ANKRD18A: variants seen among roughly 807,000 people sequenced by gnomAD.
ANKRD18A encodes the protein ankyrin repeat domain-containing protein 18A.
ANKRD18A carries 72 observed loss-of-function variants against 110.6 expected under a neutral mutation model. The ratio of observed to expected loss-of-function variants is 0.65; its 90% CI spans 0.54 to 0.79. ANKRD18A has a LOEUF of 0.79. Ranked by LOEUF, ANKRD18A falls within the 30% of genes least tolerant of loss-of-function variation. The pLI is 0.00. For missense variants in ANKRD18A, 934 were observed against 1,163.3 expected, an observed-to-expected ratio of 0.80 and a Z score of 2.87; for synonymous variants, 305 against 410.3, an observed-to-expected ratio of 0.74 and a Z score of 3.10.
chr9:38,574,430 G>C (rs1280351967), intron 15 of ANKRD18A, among the ~76,000 whole-genome samples: 8 of 152,110 alleles, frequency 5.3e-5, no homozygotes, highest in Admixed American at 3.3e-4. Flanking sequence ...CCCTAGTATA[G>C]TAATGGGGTT....
chr9:38,574,784 T>G (rs768450102), intron 15 of ANKRD18A, among the ~76,000 whole-genome samples: 7 of 152,092 alleles, frequency 4.6e-5, no homozygotes, highest in African/African-American at 1.7e-4. Context: ...AAGAGTTAAG[T>G]TGGTGCAAAG....
intron 10 of ANKRD18A, among the ~76,000 whole-genome samples, 173 bp from the exon 11 acceptor site, chr9:38,588,836 C>G (rs193060207): frequency 6.6e-6 from 1 of 152,264 alleles, no homozygotes; most frequent in Admixed American, 6.5e-5. Flanking sequence ...TTTCTTAAAA[C>G]AGCTAAAAAA....
At chr9:38,577,728 C>CT (rs542550325) in intron 13 of ANKRD18A, 139 bp downstream of exon 13, 3 of 981,190 alleles carry the variant, frequency 3.1e-6, no homozygotes, top group South Asian at 2.5e-5. Context: ...AAAAAAGTCA[C>CT]TTTTTTTCTA....
At chr9:38,579,250 T>C (rs1284748160) in intron 12 of ANKRD18A, among the ~76,000 whole-genome samples, 2 of 152,088 alleles carry the variant, frequency 1.3e-5, no homozygotes, top group Non-Finnish European at 2.9e-5. Context: ...TAAGTAAACA[T>C]AGGGAAAATG....
intron 6 of ANKRD18A, chr9:38,604,829 C>T (rs1587530582): frequency 1.3e-5 from 2 of 150,730 alleles, no homozygotes; most frequent in Admixed American, 6.7e-5. Context: ...TTGAACTGCT[C>T]ATAAACTCTA....
In ANKRD18A at chr9:38,615,726, CAGG is replaced by C. The variant is rs1587548458; in HGVS notation, c.360_362del (p.Leu121del). On this transcript the variant is annotated inframe_deletion, in exon 3 of 16. Transcript: ENST00000399703. ...CAATGTTTGGATTGGCGCCACATTC[CAGG>C]AGAACGATGGCACAAGCCTCTTCCT... 1 of 1,612,830 alleles carries C rather than the reference CAGG, an allele frequency of 6.2e-7. No individual in the cohort carries two copies. Among genetic ancestry groups the C allele is most frequent in the African/African-American group, 1.3e-5 (1 of 74,894 alleles).
intron 9 of ANKRD18A, among the ~76,000 whole-genome samples, chr9:38,594,602 C>G (rs1015952353): frequency 4.6e-5 from 7 of 152,068 alleles, no homozygotes; most frequent in Admixed American, 4.6e-4. Context: ...AAGTAGAAGT[C>G]TTTAAAATAC....
chr9:38,577,472 A>G (rs181672522), intron 13 of ANKRD18A, among the ~76,000 whole-genome samples: 2 of 152,300 alleles, frequency 1.3e-5, no homozygotes, highest in East Asian at 3.9e-4. Flanking sequence ...AATCATACTT[A>G]TGTTAGTATT....
intron 1 of ANKRD18A, among the ~76,000 whole-genome samples, chr9:38,619,616 T>C (rs1826001472): frequency 6.6e-6 from 1 of 152,190 alleles, no homozygotes; most frequent in Non-Finnish European, 1.5e-5. Flanking sequence ...CTGATAAACA[T>C]GGAAACAGTT....
intron 10 of ANKRD18A, among the ~76,000 whole-genome samples, chr9:38,593,128 A>G (rs1286095348): frequency 6.6e-6 from 1 of 152,230 alleles, no homozygotes; most frequent in African/African-American, 2.4e-5. Context: ...TTAAAATCCC[A>G]TGGTAGGATC....
intron 6 of ANKRD18A, chr9:38,604,009 T>G: frequency 6.6e-6 from 1 of 152,264 alleles, no homozygotes; most frequent in Non-Finnish European, 1.5e-5. Flanking sequence ...AATAAAATAT[T>G]ACAGAAAGGG....
chr9:38,597,062 A>G (rs961645050), intron 8 of ANKRD18A, among the ~76,000 whole-genome samples: 1 of 152,182 alleles, frequency 6.6e-6, no homozygotes, highest in African/African-American at 2.4e-5. Context: ...CTCTACTTCT[A>G]GTTCTCCATC....
intron 10 of ANKRD18A, among the ~76,000 whole-genome samples, chr9:38,592,800 C>T (rs1824711983): frequency 6.6e-6 from 1 of 152,076 alleles, no homozygotes; most frequent in African/African-American, 2.4e-5. Context: ...ATTCTGAAAA[C>T]ATTCTGCTAA....
At chr9:38,577,476 T>C (rs1823946490) in intron 13 of ANKRD18A, among the ~76,000 whole-genome samples, 1 of 152,156 alleles carries the variant, frequency 6.6e-6, no homozygotes, top group African/African-American at 2.4e-5. Context: ...ATACTTATGT[T>C]AGTATTAATG....
chr9:38,617,418 CGACAGAGTGA>C (rs1459226428), intron 1 of ANKRD18A, among the ~76,000 whole-genome samples: 2 of 151,936 alleles, frequency 1.3e-5, no homozygotes, highest in Non-Finnish European at 2.9e-5. Flanking sequence ...CCAGCATAGG[CGACAGAGTGA>C]GACTCTGTCG....
chr9:38,610,824 GA>G (rs1825586639), intron 4 of ANKRD18A, among the ~76,000 whole-genome samples: 3 of 150,176 alleles, frequency 2.0e-5, no homozygotes, highest in African/African-American at 7.4e-5. Context: ...TCTGCAGGCT[GA>G]AAACAACAGC....
intron 15 of ANKRD18A, among the ~76,000 whole-genome samples, chr9:38,574,993 C>T (rs1823815254): frequency 6.6e-6 from 1 of 151,662 alleles, no homozygotes; most frequent in Non-Finnish European, 1.5e-5. Context: ...ACTTGGGAGG[C>T]TGAGGCAGGA....
At chr9:38,613,915 A>C (rs1027783131) in intron 3 of ANKRD18A, among the ~76,000 whole-genome samples, 2 of 152,222 alleles carry the variant, frequency 1.3e-5, no homozygotes, top group African/African-American at 4.8e-5. Flanking sequence ...TTGAAAGATT[A>C]CCCACAAGTA....
intron 10 of ANKRD18A, among the ~76,000 whole-genome samples, chr9:38,592,260 A>T (rs1234682378): frequency 2.1e-5 from 3 of 140,356 alleles, no homozygotes; most frequent in Admixed American, 2.1e-4. Context: ...GCCAAGCTAA[A>T]CTATTTTCAA....
Sources: gnomAD v4.1 joint callset for allele counts (sites outside exome capture counted in the v4.1 genomes callset) on GRCh38, gnomAD v4.1.1 for gene constraint, MANE v1.5 for transcripts, NCBI Gene and HGNC (gene_info 2026-07-23, HGNC 2026-07-21) for gene names.